The following IL23R variants were observed in gnomAD, a reference collection of about 807,000 sequenced individuals.
The protein encoded by IL23R is interleukin-23 receptor.
In IL23R, 34 loss-of-function variants were observed where a neutral mutation model predicts 56.9. The ratio of observed to expected loss-of-function variants is 0.60; its 90% confidence interval spans 0.45 to 0.80. The LOEUF (loss-of-function observed/expected upper bound fraction) is 0.80, where lower values mean the gene tolerates loss of function less well. Ranked by LOEUF, IL23R falls within the 30% of genes least tolerant of loss-of-function variation. IL23R has a pLI of 0.00. For synonymous variants in IL23R, 230 were observed against 249.2 expected, an observed-to-expected ratio of 0.92 and a Z score of 0.73; for missense variants, 635 against 730.0, an observed-to-expected ratio of 0.87 and a Z score of 1.50.
intron 7 of IL23R, among the ~76,000 whole-genome samples, chr1:67,226,151 G>A (rs1650603998): frequency 6.6e-6 from 1 of 152,218 alleles, no homozygotes; most frequent in South Asian, 2.1e-4. Flanking sequence ...TGGGGCTCCA[G>A]CCCCACAGTA....
At chr1:67,220,249 A>C (rs969066963) in intron 7 of IL23R, among the ~76,000 whole-genome samples, 2 of 151,896 alleles carry the variant, frequency 1.3e-5, no homozygotes, top group African/African-American at 4.8e-5. Flanking sequence ...GGTGCCTGTA[A>C]TCTCAGCTAC....
chr1:67,241,916 A>G (rs1385074739), intron 9 of IL23R, among the ~76,000 whole-genome samples: 1 of 152,218 alleles, frequency 6.6e-6, no homozygotes, highest in African/African-American at 2.4e-5. Context: ...CTACAACTGA[A>G]TCACTATAAT....
intron 1 of IL23R, among the ~76,000 whole-genome samples, chr1:67,167,142 G>A (rs1037553135): frequency 4.6e-5 from 7 of 152,208 alleles, no homozygotes; most frequent in Admixed American, 6.5e-5. Context: ...TCACTCTGTC[G>A]CCCAGGCTGG....
chr1:67,218,693 G>A lies in IL23R; in HGVS notation c.799-881G>A, dbSNP rs370337691. On this transcript the variant is annotated intron_variant, in intron 6 of 10. Transcript: ENST00000347310. ...AATCTCAACACTTTGGGAGGCCAAG[G>A]CAGAGAGATGACTTGTGCCCAGGAG... Among the ~76,000 whole-genome samples the A allele has an allele frequency of 1.8e-4, 28 of 152,064 alleles. 1 individual carries two copies. The highest frequency in any genetic ancestry group is 1.0e-3 in the South Asian group (5 of 4,826).
chr1:67,232,255 AAAT>A (rs1404649612), intron 7 of IL23R, among the ~76,000 whole-genome samples: 1 of 152,214 alleles, frequency 6.6e-6, no homozygotes, highest in Non-Finnish European at 1.5e-5. Context: ...TTTAAGAAGA[AAAT>A]AACTCTACGC....
chr1:67,238,826 T>C (rs578244934), intron 8 of IL23R, among the ~76,000 whole-genome samples: 2 of 152,328 alleles, frequency 1.3e-5, no homozygotes, highest in African/African-American at 4.8e-5. Flanking sequence ...AATAGCTCTT[T>C]AGCCCTGGGA....
intron 3 of IL23R, among the ~76,000 whole-genome samples, chr1:67,173,159 G>A (rs531451766): frequency 5.3e-4 from 80 of 152,190 alleles, no homozygotes; most frequent in Middle Eastern, 3.4e-3. Flanking sequence ...TGTATAGCCA[G>A]GTTTTGTTCT....
intron 5 of IL23R, among the ~76,000 whole-genome samples, chr1:67,205,261 A>G (rs1221207285): frequency 6.6e-6 from 1 of 152,228 alleles, no homozygotes; most frequent in African/African-American, 2.4e-5. Flanking sequence ...GCAAATCCTT[A>G]ATTTTTGTTT....
chr1:67,207,112 A>C, intron 6 of IL23R, 57 bp downstream of exon 6: 1 of 1,536,684 alleles, frequency 6.5e-7, no homozygotes, highest in Non-Finnish European at 9.0e-7. Context: ...AAAGCCAACC[A>C]TCAGTGGCTA....
At chr1:67,157,462 C>T (rs1356312977) in intron 1 of IL23R, among the ~76,000 whole-genome samples, 1 of 151,918 alleles carries the variant, frequency 6.6e-6, no homozygotes, top group East Asian at 1.9e-4. Context: ...CCATCTCAAC[C>T]ATCAAAAGAG....
chr1:67,218,266 A>T (rs757227807), intron 6 of IL23R, among the ~76,000 whole-genome samples: 23 of 52,666 alleles, frequency 4.4e-4, no homozygotes, highest in Admixed American at 1.7e-3. Context: ...TCTCTGACAC[A>T]TACACATATA....
intron 3 of IL23R, among the ~76,000 whole-genome samples, chr1:67,176,037 C>T (rs1045708439): frequency 2.6e-5 from 4 of 152,076 alleles, no homozygotes; most frequent in Admixed American, 2.6e-4. Flanking sequence ...ATATCAAATG[C>T]TGCTCAATGA....
chr1:67,245,182 A>T (rs1016770085), intron 9 of IL23R, among the ~76,000 whole-genome samples: 5 of 152,290 alleles, frequency 3.3e-5, no homozygotes, highest in African/African-American at 1.2e-4. Flanking sequence ...GAGTTTGCTG[A>T]AGTTGCTTAT....
At chr1:67,261,375 G>T (rs55784841), downstream of IL23R, among the ~76,000 whole-genome samples, 1,293 of 136,992 alleles carry the variant, frequency 9.4e-3, 16 homozygotes, top group African/African-American at 0.034. Context: ...CATTTACTAA[G>T]GCCATTTTGC....
chr1:67,159,490 C>G (rs1327700166), intron 1 of IL23R, among the ~76,000 whole-genome samples: 1 of 152,128 alleles, frequency 6.6e-6, no homozygotes, highest in Admixed American at 6.5e-5. Context: ...AACTGTGAGT[C>G]AATTAAGCCT....
At chr1:67,197,219 A>G (rs1252739789) in intron 4 of IL23R, among the ~76,000 whole-genome samples, 1 of 152,178 alleles carries the variant, frequency 6.6e-6, no homozygotes, top group Non-Finnish European at 1.5e-5. Flanking sequence ...TTTGGGTAGC[A>G]AGGAAGTGAG....
intron 4 of IL23R, among the ~76,000 whole-genome samples, chr1:67,191,917 T>A (rs973033398): frequency 6.6e-6 from 1 of 152,224 alleles, no homozygotes; most frequent in Non-Finnish European, 1.5e-5. Context: ...TGCTGATTCA[T>A]CTTCATTTCA....
intron 1 of IL23R, among the ~76,000 whole-genome samples, chr1:67,139,434 C>T (rs1349746365): frequency 6.6e-6 from 1 of 152,180 alleles, no homozygotes; most frequent in Admixed American, 6.5e-5. Context: ...ACAGTCCACA[C>T]AACATAGCTC....
intron 6 of IL23R, among the ~76,000 whole-genome samples, chr1:67,211,128 C>G (rs900005986): frequency 6.6e-6 from 1 of 152,146 alleles, no homozygotes; most frequent in African/African-American, 2.4e-5. Flanking sequence ...TAAATGGGAT[C>G]CACGTTCTGC....
Sources: allele counts gnomAD v4.1 joint callset (sites outside exome capture counted in the v4.1 genomes callset), GRCh38; gene constraint gnomAD v4.1.1; transcripts MANE v1.5; gene names NCBI Gene and HGNC (gene_info 2026-07-23, HGNC 2026-07-21).